The following DROSHA variants were observed in gnomAD, a reference collection of about 807,000 sequenced individuals.
The protein encoded by DROSHA is ribonuclease 3.
DROSHA carries 56 observed loss-of-function variants against 181.9 expected under a neutral mutation model. That is an observed-to-expected ratio of 0.31 (90% confidence interval 0.25 to 0.38). DROSHA has a LOEUF of 0.38. Ranked by LOEUF, DROSHA falls within the 10% of genes least tolerant of loss-of-function variation. DROSHA has a pLI of 1.00. For synonymous variants in DROSHA, 524 were observed against 591.2 expected (o/e 0.89, Z 1.65); for missense variants, 1,218 against 1,743.5 (o/e 0.70, Z 5.37).
intron 13 of DROSHA, among the ~76,000 whole-genome samples, chr5:31,489,456 A>G (rs574863316): frequency 6.6e-6 from 1 of 152,318 alleles, no homozygotes; most frequent in African/African-American, 2.4e-5. Flanking sequence ...TTGGAAAGGC[A>G]GGATCTCCTC....
At chr5:31,471,549 ATATT>A (rs1749722721) in intron 17 of DROSHA, among the ~76,000 whole-genome samples, 1 of 152,098 alleles carries the variant, frequency 6.6e-6, no homozygotes, top group Admixed American at 6.5e-5. Flanking sequence ...GAAATGTAAA[ATATT>A]TATAATAATT....
chr5:31,461,523 A>T (rs1046793284), intron 20 of DROSHA, among the ~76,000 whole-genome samples: 2 of 152,178 alleles, frequency 1.3e-5, no homozygotes, highest in African/African-American at 4.8e-5. Flanking sequence ...GAGTCAAGGG[A>T]GTTTCAAATG....
At chr5:31,489,332 T>C (rs1752126378) in intron 13 of DROSHA, among the ~76,000 whole-genome samples, 2 of 152,226 alleles carry the variant, frequency 1.3e-5, no homozygotes, top group South Asian at 4.1e-4. Flanking sequence ...CTCCATTTCA[T>C]TTTAAGTAAA....
chr5:31,531,575 A>T (rs1458403270), intron 1 of DROSHA, 50 bp from the exon 2 acceptor site: 1 of 152,236 alleles, frequency 6.6e-6, no homozygotes, highest in Admixed American at 6.5e-5. Flanking sequence ...AAAGAATTTT[A>T]AAGTGTGACT....
chr5:31,421,414 C>A (rs762665449), intron 29 of DROSHA, 37 bp from the exon 30 acceptor site: 6 of 1,499,310 alleles, frequency 4.0e-6, no homozygotes, highest in Non-Finnish European at 5.5e-6. Flanking sequence ...AAATCAATAA[C>A]CATTTATGGA....
intron 20 of DROSHA, among the ~76,000 whole-genome samples, chr5:31,454,865 A>G (rs976946710): frequency 4.1e-5 from 6 of 147,964 alleles, no homozygotes; most frequent in Non-Finnish European, 4.5e-5. Context: ...GCGTGAACCC[A>G]GGAGGCGGAG....
At chr5:31,442,144 G>C (rs1561166458) in intron 23 of DROSHA, among the ~76,000 whole-genome samples, 2 of 152,106 alleles carry the variant, frequency 1.3e-5, no homozygotes, top group East Asian at 3.9e-4. Flanking sequence ...TCATTTTGTT[G>C]AAATACAAGG....
intron 16 of DROSHA, among the ~76,000 whole-genome samples, chr5:31,478,342 A>G (rs1750643991): frequency 1.3e-5 from 2 of 152,230 alleles, no homozygotes; most frequent in Admixed American, 6.5e-5. Context: ...ATGTTTTACG[A>G]AAGTTTACGA....
intron 11 of DROSHA, among the ~76,000 whole-genome samples, chr5:31,502,933 T>A (rs1737471265): frequency 6.6e-6 from 1 of 152,100 alleles, no homozygotes; most frequent in Non-Finnish European, 1.5e-5. Flanking sequence ...GGACTCCTGG[T>A]CAGAAGCAAG....
chr5:31,472,825 C>A (rs10042951), intron 16 of DROSHA, among the ~76,000 whole-genome samples: 2,967 of 152,210 alleles, frequency 0.019, 85 homozygotes, highest in African/African-American at 0.068. Flanking sequence ...GGAAAAAAAA[C>A]CAAGTGCTCT....
At position 31,420,807 on chromosome 5, in the gene DROSHA, A is replaced by T. The variant is rs149851973; in HGVS notation, c.3525+465T>A. 1.1e-3 allele frequency among the ~76,000 whole-genome samples: 167 copies of T among 152,334 alleles called. No individual in the cohort carries two copies. In the Middle Eastern group the frequency reaches 0.014, roughly 12 times the overall value. ...TAGAAGAAACCTCGTATTTTCCTAA[A>T]CTGCACAAGTACAGCAATTTACCTA... On this transcript the variant is annotated intron_variant, in intron 30 of 35. Coordinates refer to ENST00000344624, the MANE Select transcript of DROSHA (RefSeq NM_001382508.1).
At chr5:31,487,024 A>G (rs7702732) in intron 13 of DROSHA, among the ~76,000 whole-genome samples, 16,671 of 152,226 alleles carry the variant, frequency 0.11, 1,183 homozygotes, top group East Asian at 0.22. Flanking sequence ...TCTGGCTCTT[A>G]AGCAAAGGCA....
In DROSHA at chr5:31,431,350, T is replaced by C. The variant is rs369627042; in HGVS notation, c.3145+226A>G. 5.8e-5 allele frequency among the ~76,000 whole-genome samples: 7 copies of C among 121,180 alleles called. No individual in the cohort carries two copies. The East Asian group carries it at 1.5e-3, about 26-fold the overall frequency. 79.5% of individuals were successfully genotyped at this position (121,180 alleles called of 152,430 possible). A position where few individuals can be genotyped will look rare whatever the true frequency, so the allele number is the denominator to read the frequency against. On this transcript the variant is annotated intron_variant, in intron 26 of 35. Transcript: ENST00000344624. Reference sequence around the variant, plus strand: ...CATGACATCAGACACCAGACACCAATTCAGGCAGTAGAATGCAAAAAAAAA... The same window carrying C: ...CATGACATCAGACACCAGACACCAACTCAGGCAGTAGAATGCAAAAAAAAA...
chr5:31,444,532 A>G (rs1746020896), intron 23 of DROSHA, among the ~76,000 whole-genome samples: 1 of 152,226 alleles, frequency 6.6e-6, no homozygotes, highest in Admixed American at 6.5e-5. Flanking sequence ...TTCAAATGAC[A>G]TTATCAAAAG....
intron 30 of DROSHA, among the ~76,000 whole-genome samples, chr5:31,415,706 C>T (rs1741865210): frequency 6.6e-6 from 1 of 152,192 alleles, no homozygotes; most frequent in Admixed American, 6.5e-5. Flanking sequence ...TTGAACACAG[C>T]AGGCACGGAG....
intron 21 of DROSHA, 45 bp downstream of exon 21, chr5:31,451,488 C>T (rs746125548): frequency 4.7e-6 from 7 of 1,476,618 alleles, no homozygotes; most frequent in Middle Eastern, 1.7e-4. Flanking sequence ...AGATGAATTA[C>T]TCCTATCTTG....
intron 18 of DROSHA, 145 bp downstream of exon 18, chr5:31,467,794 C>G: frequency 9.4e-7 from 1 of 1,061,496 alleles, no homozygotes; most frequent in Non-Finnish European, 1.3e-6. Context: ...ACAATTGTTT[C>G]ATTTGGGTAA....
chr5:31,424,505 G>A (rs1270772686), intron 27 of DROSHA, 34 bp from the exon 28 acceptor site: 1 of 1,574,376 alleles, frequency 6.4e-7, no homozygotes, highest in South Asian at 1.2e-5. Flanking sequence ...AATGCTCAAG[G>A]GAGCCATTTA....
chr5:31,503,987 G>T, intron 11 of DROSHA, among the ~76,000 whole-genome samples: 1 of 152,114 alleles, frequency 6.6e-6, no homozygotes, highest in Non-Finnish European at 1.5e-5. Flanking sequence ...AATAAAAATA[G>T]CTTATAAAAA....
Sources: allele counts gnomAD v4.1 joint callset (sites outside exome capture counted in the v4.1 genomes callset), GRCh38; gene constraint gnomAD v4.1.1; transcripts MANE v1.5; gene names NCBI Gene and HGNC (gene_info 2026-07-23, HGNC 2026-07-21).